Variants in HTT observed in about 807,000 individuals in gnomAD.
HTT encodes the protein huntington disease protein.
A neutral mutation model predicts 362.3 loss-of-function variants in HTT; 104 were observed. The ratio of observed to expected loss-of-function variants is 0.29; its 90% CI spans 0.24 to 0.34. HTT has a LOEUF of 0.34. Ranked by LOEUF, HTT falls within the 10% of genes least tolerant of loss-of-function variation. The probability of loss-of-function intolerance (pLI) is 1.00; values close to 1 mark genes in which losing one functional copy is unlikely to be tolerated. For synonymous variants in HTT, 1,577 were observed against 1,548.7 expected (o/e 1.02, Z -0.43); for missense variants, 3,301 against 3,928.6 (o/e 0.84, Z 4.27).
At chr4:3,140,260 CAAAAAAAAAA>C (rs754479930) in intron 21 of HTT, among the ~76,000 whole-genome samples, 15 of 83,090 alleles carry the variant, frequency 1.8e-4, no homozygotes, top group Admixed American at 4.2e-4. Context: ...CATTCTGTCT[CAAAAAAAAAA>C]AAAAAAGAAA....
At chr4:3,178,843 A>G (rs1429791957) in intron 35 of HTT, among the ~76,000 whole-genome samples, 1 of 152,182 alleles carries the variant, frequency 6.6e-6, no homozygotes, top group African/African-American at 2.4e-5. Flanking sequence ...TCTCTCATCC[A>G]GTGGTATTGG....
At chr4:3,155,770 C>T (rs1256574825) in intron 27 of HTT, among the ~76,000 whole-genome samples, 7 of 147,620 alleles carry the variant, frequency 4.7e-5, no homozygotes, top group South Asian at 2.2e-4. Context: ...TGGTGGCTCG[C>T]GCCAGTCGTC....
At chr4:3,165,325 C>T (rs1281335904) in intron 29 of HTT, among the ~76,000 whole-genome samples, 5 of 152,134 alleles carry the variant, frequency 3.3e-5, no homozygotes, top group East Asian at 3.9e-4. Flanking sequence ...GTGGGTAACC[C>T]GACCTTTCTC....
At chr4:3,140,824 C>T (rs1716310570) in intron 22 of HTT, among the ~76,000 whole-genome samples, 168 bp downstream of exon 22, 1 of 152,156 alleles carries the variant, frequency 6.6e-6, no homozygotes, top group Admixed American at 6.5e-5. Context: ...GAGGATTGAC[C>T]ACACCACCTC....
At chr4:3,127,201 C>T (rs1715560388) in intron 11 of HTT, 63 bp from the exon 12 acceptor site, 2 of 1,228,830 alleles carry the variant, frequency 1.6e-6, no homozygotes, top group Non-Finnish European at 2.4e-6. Context: ...TTTTGCAAGC[C>T]TGTGATTCCC....
chr4:3,095,091 C>T (rs1392730773), intron 2 of HTT, among the ~76,000 whole-genome samples: 2 of 151,868 alleles, frequency 1.3e-5, no homozygotes, highest in Non-Finnish European at 2.9e-5. Context: ...GATGGGCGGC[C>T]AGGCAGAAAC....
chr4:3,076,100 C>G (rs944702473), intron 1 of HTT, among the ~76,000 whole-genome samples: 1 of 152,146 alleles, frequency 6.6e-6, no homozygotes, highest in Non-Finnish European at 1.5e-5. Flanking sequence ...GAAAGGGTTT[C>G]TGTTTGCTTC....
chr4:3,219,061 C>T (rs773057882), intron 52 of HTT, among the ~76,000 whole-genome samples: 1 of 152,170 alleles, frequency 6.6e-6, no homozygotes, highest in Non-Finnish European at 1.5e-5. Flanking sequence ...TTCCAGATGG[C>T]GGGCTTATTC....
intron 8 of HTT, among the ~76,000 whole-genome samples, chr4:3,120,943 C>T (rs895324429): frequency 6.6e-6 from 1 of 152,176 alleles, no homozygotes; most frequent in African/African-American, 2.4e-5. Flanking sequence ...TTTTCCCTTT[C>T]CTAGTCACCA....
At chr4:3,179,419 G>A (rs1277692966) in intron 35 of HTT, among the ~76,000 whole-genome samples, 1 of 152,180 alleles carries the variant, frequency 6.6e-6, no homozygotes, top group African/African-American at 2.4e-5. Flanking sequence ...CTGTGAGAGG[G>A]TCAGAGAGTA....
intron 59 of HTT, 134 bp from the exon 60 acceptor site, chr4:3,229,743 ACACACACACG>A (rs1721156341): frequency 1.3e-5 from 11 of 850,186 alleles, no homozygotes; most frequent in Non-Finnish European, 1.9e-5. Flanking sequence ...CGCATACACC[ACACACACACG>A]CACACATGCG....
At chr4:3,233,070 C>A in intron 60 of HTT, 93 bp from the exon 61 acceptor site, 1 of 1,032,600 alleles carries the variant, frequency 9.7e-7, no homozygotes, top group Non-Finnish European at 1.4e-6. Context: ...TGCACACAAG[C>A]GTGAGGGCAG....
chr4:3,113,743 C>T (rs542853690), intron 6 of HTT, among the ~76,000 whole-genome samples: 100 of 152,172 alleles, frequency 6.6e-4, no homozygotes, highest in Middle Eastern at 3.4e-3. Context: ...GGCAGTAAGC[C>T]ACTGGGGGAG....
chr4:3,092,968 G>T (rs1477107510), intron 2 of HTT, among the ~76,000 whole-genome samples: 4 of 152,198 alleles, frequency 2.6e-5, no homozygotes, highest in Non-Finnish European at 5.9e-5. Flanking sequence ...ACTGAGAGGA[G>T]ACTGAGGCTG....
At position 3,204,024 on chromosome 4, in the gene HTT, G is replaced by A; in HGVS notation, c.5594G>A (p.Ser1865Asn). ...CCTTCTAGAAGACACAGTCTGTCCA[G>A]CACAAAGTTACTTAGTCCCCAGATG... ...QQTPKRHSLS[S>N]TKLLSPQMSG... is the part of the protein sequence containing the mutation. The change falls in exon 42 of 67, where the codon AGC becomes AAC. Residue 1865 changes from serine to asparagine, a missense_variant. Coordinates refer to ENST00000355072, the MANE Select transcript of HTT (RefSeq NM_001388492.1). 1 of 1,614,164 alleles carries A rather than the reference G, an allele frequency of 6.2e-7. No homozygotes were observed.
chr4:3,143,811 C>T (rs1472999474), intron 23 of HTT, among the ~76,000 whole-genome samples: 1 of 152,044 alleles, frequency 6.6e-6, no homozygotes, highest in African/African-American at 2.4e-5. Context: ...CCATGTTGGT[C>T]AGGCTGGTCT....
At chr4:3,210,099 C>T in intron 47 of HTT, 150 bp downstream of exon 47, 1 of 949,336 alleles carries the variant, frequency 1.1e-6, no homozygotes, top group Non-Finnish European at 1.6e-6. Context: ...AGACTCCACT[C>T]TGAATGGGGC....
chr4:3,181,075 G>C (rs1718504227), intron 36 of HTT, among the ~76,000 whole-genome samples: 1 of 151,910 alleles, frequency 6.6e-6, no homozygotes, highest in African/African-American at 2.4e-5. Context: ...TAGAGATGGG[G>C]TTTCACCATG....
intron 37 of HTT, 79 bp downstream of exon 37, chr4:3,182,549 C>T: frequency 2.3e-6 from 2 of 853,916 alleles, no homozygotes; most frequent in Non-Finnish European, 2.0e-6. Flanking sequence ...TGGCTGGAAT[C>T]AGCTCTTCCT....
Sources: allele counts gnomAD v4.1 joint callset (sites outside exome capture counted in the v4.1 genomes callset), GRCh38; gene constraint gnomAD v4.1.1; transcripts MANE v1.5; gene names NCBI Gene and HGNC (gene_info 2026-07-23, HGNC 2026-07-21).